The following GRID1 variants were observed in gnomAD, a reference collection of about 807,000 sequenced individuals.
GRID1 encodes the protein glutamate receptor ionotropic, delta-1.
In GRID1, 28 loss-of-function variants were observed where a neutral mutation model predicts 98.0. The ratio of observed to expected loss-of-function variants is 0.29; its 90% confidence interval spans 0.21 to 0.39. The LOEUF (loss-of-function observed/expected upper bound fraction) is 0.39. Ranked by LOEUF, GRID1 falls within the 10% of genes least tolerant of loss-of-function variation. GRID1 has a pLI of 1.00. For synonymous variants in GRID1, 553 were observed against 538.5 expected (o/e 1.03, Z -0.37); for missense variants, 1,111 against 1,340.5 (o/e 0.83, Z 2.67).
intron 14 of GRID1, among the ~76,000 whole-genome samples, chr10:85,614,604 C>T (rs376413420): frequency 1.5e-4 from 23 of 152,042 alleles, no homozygotes; most frequent in African/African-American, 5.3e-4. Flanking sequence ...AGACTAAAAC[C>T]CCATGTGAAA....
chr10:86,274,318 G>C (rs1162151885), intron 2 of GRID1, among the ~76,000 whole-genome samples: 2 of 152,196 alleles, frequency 1.3e-5, no homozygotes, highest in African/African-American at 4.8e-5. Context: ...CTGTAGCCTT[G>C]TAGTATAGTT....
intron 2 of GRID1, among the ~76,000 whole-genome samples, chr10:86,310,636 T>C (rs541561973): frequency 2.8e-4 from 42 of 152,250 alleles, no homozygotes; most frequent in Non-Finnish European, 5.4e-4. Flanking sequence ...GCGCCACGCA[T>C]GGTTTCTGCA....
rs906780710 is a variant in GRID1 at position 85,856,809 on chromosome 10, G to A, written c.952-619C>T. ...TACTGGATTTGCTCTATTGGCCACC[G>A]CTGGCGGATCCTTGGGTTAAAGGAA... On this transcript the variant is annotated intron_variant, in intron 6 of 15. Coordinates refer to ENST00000327946, the MANE Select transcript of GRID1 (RefSeq NM_017551.3). Among the ~76,000 whole-genome samples the A allele has an allele frequency of 3.9e-4, 60 of 152,288 alleles. 2 individuals carry two copies. The highest frequency in any genetic ancestry group is 2.1e-4 in the South Asian group (1 of 4,826).
intron 8 of GRID1, among the ~76,000 whole-genome samples, chr10:85,818,231 A>G (rs1842733094): frequency 1.3e-5 from 2 of 152,206 alleles, no homozygotes; most frequent in African/African-American, 4.8e-5. Flanking sequence ...CTGATGGATG[A>G]GTTAGAAATC....
At chr10:85,966,168 G>A (rs1002733551) in intron 4 of GRID1, among the ~76,000 whole-genome samples, 3 of 152,188 alleles carry the variant, frequency 2.0e-5, no homozygotes, top group Admixed American at 2.0e-4. Flanking sequence ...CCTGTCCTTA[G>A]AGCACTTGTT....
At chr10:86,034,978 T>C (rs1843239339) in intron 4 of GRID1, among the ~76,000 whole-genome samples, 1 of 151,510 alleles carries the variant, frequency 6.6e-6, no homozygotes, top group Non-Finnish European at 1.5e-5. Flanking sequence ...GGATGGATGG[T>C]GGGTGGATGG....
rs1016804236 is a variant in GRID1, at chr10:85,916,295, C to T, written c.727-56G>A. 4 of 1,226,534 alleles carry T rather than the reference C, an allele frequency of 3.3e-6. No individual in the cohort carries two copies. In the Admixed American group the frequency reaches 6.7e-5, roughly 21 times the overall value. 76.0% of individuals were successfully genotyped at this position (1,226,534 alleles called of 1,614,324 possible). A position where few individuals can be genotyped will look rare whatever the true frequency, so the allele number is the denominator to read the frequency against. On this transcript the variant is annotated intron_variant, in intron 4 of 15. Transcript: ENST00000327946. The surrounding 1 kb of genome is among the most constrained non-coding windows in gnomAD (Gnocchi z 4.0). ...GAAGCAAGACAGAAGCTGGCAGACA[C>T]AGGATGATTGCCGAGACAGAGTTTT...
At chr10:86,161,347 GGA>G (rs1201241602) in intron 3 of GRID1, among the ~76,000 whole-genome samples, 1 of 152,146 alleles carries the variant, frequency 6.6e-6, no homozygotes, top group Non-Finnish European at 1.5e-5. Context: ...CAGGGCACTT[GGA>G]GAGTGACTCA....
intron 3 of GRID1, among the ~76,000 whole-genome samples, chr10:86,202,510 T>C (rs1336360677): frequency 6.6e-6 from 1 of 152,272 alleles, no homozygotes; most frequent in African/African-American, 2.4e-5. Flanking sequence ...TTCTTTTCGA[T>C]CCAAACTTTT....
At chr10:85,824,985 A>C (rs1242146842) in intron 8 of GRID1, among the ~76,000 whole-genome samples, 1 of 152,146 alleles carries the variant, frequency 6.6e-6, no homozygotes, top group South Asian at 2.1e-4. Flanking sequence ...ATCTTTGCAA[A>C]TTGTGTTGCA....
intron 8 of GRID1, among the ~76,000 whole-genome samples, chr10:85,830,163 C>T (rs1842855325): frequency 6.6e-6 from 1 of 152,080 alleles, no homozygotes; most frequent in South Asian, 2.1e-4. Context: ...CATACACCTG[C>T]AACTATCTGA....
intron 12 of GRID1, among the ~76,000 whole-genome samples, chr10:85,716,313 A>G (rs1187430819): frequency 6.6e-6 from 1 of 152,138 alleles, no homozygotes; most frequent in Admixed American, 6.5e-5. Flanking sequence ...CGCAAGGACA[A>G]AAAAAACAAA....
At chr10:85,730,288 A>C (rs552703460) in intron 8 of GRID1, among the ~76,000 whole-genome samples, 1 of 152,200 alleles carries the variant, frequency 6.6e-6, no homozygotes, top group Non-Finnish European at 1.5e-5. Context: ...GTCAAGGAGA[A>C]CCTACCTTGG....
intron 4 of GRID1, among the ~76,000 whole-genome samples, chr10:86,074,869 T>C (rs1302746149): frequency 2.6e-5 from 4 of 152,220 alleles, no homozygotes; most frequent in Non-Finnish European, 5.9e-5. Flanking sequence ...TGAGTGTCGA[T>C]GTATGAATGA....
At chr10:85,807,213 G>A (rs990515494) in intron 8 of GRID1, among the ~76,000 whole-genome samples, 1 of 151,960 alleles carries the variant, frequency 6.6e-6, no homozygotes, top group Non-Finnish European at 1.5e-5. Context: ...AGCCAGGTGT[G>A]GTGGCGCGCA....
intron 2 of GRID1, among the ~76,000 whole-genome samples, chr10:86,310,267 C>A (rs1196105795): frequency 1.3e-5 from 2 of 152,218 alleles, no homozygotes; most frequent in Admixed American, 6.5e-5. Context: ...ACAGACATAG[C>A]CCAATGCCCC....
chr10:86,196,850 A>T lies in GRID1; in HGVS notation c.520+9514T>A, dbSNP rs186927227. 1.5e-3 allele frequency among the ~76,000 whole-genome samples: 223 copies of T among 151,694 alleles called. 1 individual carries two copies. Among genetic ancestry groups the T allele is most frequent in the Middle Eastern group, 6.8e-3 (2 of 294 alleles). ...GGGCTTTGCCTTTGCACATACTTGG[A>T]CTCCATAGGAAGCATATATTACTGC... On this transcript the variant is annotated intron_variant, in intron 3 of 15. Coordinates refer to ENST00000327946, the MANE Select transcript of GRID1 (RefSeq NM_017551.3).
At chr10:85,880,620 T>A (rs2131802611) in intron 5 of GRID1, among the ~76,000 whole-genome samples, 1 of 151,738 alleles carries the variant, frequency 6.6e-6, no homozygotes, top group Non-Finnish European at 1.5e-5. Flanking sequence ...ATGGGACATA[T>A]CTCAAAATAA....
chr10:86,190,470 C>A (rs540886399), intron 3 of GRID1, among the ~76,000 whole-genome samples: 5 of 152,320 alleles, frequency 3.3e-5, no homozygotes, highest in African/African-American at 9.6e-5. Context: ...CTGGGCAGTG[C>A]CCCATGGCTA....
Sources: allele counts gnomAD v4.1 joint callset (sites outside exome capture counted in the v4.1 genomes callset), GRCh38; gene constraint gnomAD v4.1.1; non-coding constraint Gnocchi (gnomAD v3.1); transcripts MANE v1.5; gene names NCBI Gene and HGNC (gene_info 2026-07-23, HGNC 2026-07-21).